Variants in NTRK3 observed in about 807,000 individuals in gnomAD.
The protein encoded by NTRK3 is NT-3 growth factor receptor.
A neutral mutation model predicts 91.7 loss-of-function variants in NTRK3; 24 were observed. That is an observed-to-expected ratio of 0.26 (90% CI 0.19 to 0.37). The LOEUF is 0.37. NTRK3 is among the 10% of genes least tolerant of loss of function. The pLI is 1.00. For synonymous variants in NTRK3, 483 were observed against 404.0 expected (o/e 1.20, Z -2.34); for missense variants, 880 against 1,068.9 (o/e 0.82, Z 2.46).
chr15:87,870,469 C>T (rs1041319945), exon 19 of NTRK3: 8 of 209,630 alleles, frequency 3.8e-5, no homozygotes, highest in African/African-American at 1.8e-4. Flanking sequence ...TAAAAGACTA[C>T]AAATATGGTG....
intron 13 of NTRK3, among the ~76,000 whole-genome samples, chr15:88,046,737 G>A (rs1489502085): frequency 6.6e-6 from 1 of 152,166 alleles, no homozygotes; most frequent in East Asian, 1.9e-4. Flanking sequence ...CAGCAGCCGG[G>A]CAAGGGCCCC....
chr15:87,938,659 T>C (rs915151832), intron 15 of NTRK3, among the ~76,000 whole-genome samples: 7 of 152,224 alleles, frequency 4.6e-5, no homozygotes, highest in African/African-American at 9.6e-5. Flanking sequence ...TTTTCAGCCA[T>C]CATTTCATTC....
At chr15:87,955,256 A>G (rs1246503421) in intron 14 of NTRK3, among the ~76,000 whole-genome samples, 2 of 152,208 alleles carry the variant, frequency 1.3e-5, no homozygotes, top group South Asian at 4.1e-4. Flanking sequence ...TCCTTTAATA[A>G]CACACCTACT....
chr15:88,008,057 G>C (rs959160575), intron 14 of NTRK3, among the ~76,000 whole-genome samples: 1 of 152,174 alleles, frequency 6.6e-6, no homozygotes, highest in African/African-American at 2.4e-5. Context: ...CCATACACTA[G>C]AGAGAGGTTC....
At chr15:87,905,668 G>C (rs117720346) in intron 17 of NTRK3, among the ~76,000 whole-genome samples, 1 of 151,990 alleles carries the variant, frequency 6.6e-6, no homozygotes, top group South Asian at 2.1e-4. Flanking sequence ...TCAACTCTTC[G>C]CTCAAACCCC....
intron 13 of NTRK3, among the ~76,000 whole-genome samples, chr15:88,054,582 C>T (rs1226004011): frequency 6.6e-6 from 1 of 152,114 alleles, no homozygotes; most frequent in African/African-American, 2.4e-5. Flanking sequence ...ACAGAAATAG[C>T]AAAATATGAC....
intron 13 of NTRK3, among the ~76,000 whole-genome samples, chr15:88,071,961 C>A (rs571813978): frequency 6.6e-6 from 1 of 151,740 alleles, no homozygotes; most frequent in South Asian, 2.1e-4. Flanking sequence ...GAAAGATTTC[C>A]AGGGTTCCAG....
chr15:88,220,185 A>C (rs560449235), intron 3 of NTRK3, among the ~76,000 whole-genome samples: 1 of 152,348 alleles, frequency 6.6e-6, no homozygotes, highest in Admixed American at 6.5e-5. Flanking sequence ...AATGACCACC[A>C]TGGCTTTGAG....
intron 10 of NTRK3, among the ~76,000 whole-genome samples, chr15:88,133,011 GTC>G (rs909772969): frequency 2.0e-5 from 3 of 152,164 alleles, no homozygotes; most frequent in African/African-American, 7.2e-5. Flanking sequence ...GAGTACTGGA[GTC>G]ACCTGGGGGC....
chr15:88,071,491 T>G (rs958490012), intron 13 of NTRK3, among the ~76,000 whole-genome samples: 7 of 152,254 alleles, frequency 4.6e-5, no homozygotes, highest in Non-Finnish European at 7.3e-5. Context: ...AGCAGCACCT[T>G]TATCTCTGAA....
chr15:87,952,874 C>T (rs1234685078), intron 14 of NTRK3, among the ~76,000 whole-genome samples: 1 of 152,106 alleles, frequency 6.6e-6, no homozygotes, highest in Non-Finnish European at 1.5e-5. Context: ...CCCTCTAAGC[C>T]TCTCGCTCTG....
chr15:88,025,245 C>T (rs1322569414), intron 14 of NTRK3, among the ~76,000 whole-genome samples: 1 of 152,232 alleles, frequency 6.6e-6, no homozygotes, highest in Non-Finnish European at 1.5e-5. Flanking sequence ...TACCACATGA[C>T]CAGGCAATCA....
chr15:87,933,806 C>T (rs149298850), intron 15 of NTRK3, among the ~76,000 whole-genome samples: 87 of 152,186 alleles, frequency 5.7e-4, no homozygotes, highest in African/African-American at 1.9e-3. Context: ...AAGAGTGGGG[C>T]GGCAGCTACG....
chr15:87,889,506 G>A (rs1326329432), intron 17 of NTRK3, among the ~76,000 whole-genome samples: 1 of 144,852 alleles, frequency 6.9e-6, no homozygotes, highest in Admixed American at 7.1e-5. Flanking sequence ...CCGGGTTCAA[G>A]CAATTCTCCT....
intron 13 of NTRK3, among the ~76,000 whole-genome samples, chr15:88,111,410 C>T (rs1046367398): frequency 3.3e-5 from 5 of 152,198 alleles, no homozygotes; most frequent in African/African-American, 1.2e-4. Flanking sequence ...GCCCCATTAA[C>T]CCGCAGCCAA....
chr15:87,932,561 C>T (rs916714007), intron 16 of NTRK3, among the ~76,000 whole-genome samples: 6 of 152,126 alleles, frequency 3.9e-5, no homozygotes, highest in African/African-American at 1.4e-4. Context: ...GACCTTCTTA[C>T]TCATCATCAA....
chr15:88,149,813 G>C (rs2043209291), intron 5 of NTRK3, among the ~76,000 whole-genome samples: 1 of 152,248 alleles, frequency 6.6e-6, no homozygotes, highest in Non-Finnish European at 1.5e-5. Flanking sequence ...GTACTGCTCT[G>C]AGTCTCCATT....
At chr15:88,094,417 C>T (rs1392922441) in intron 13 of NTRK3, among the ~76,000 whole-genome samples, 2 of 140,146 alleles carry the variant, frequency 1.4e-5, no homozygotes, top group Non-Finnish European at 3.0e-5. Context: ...TGCAGTGAGC[C>T]GAGATTGCGC....
chr15:88,027,618 G>C (rs916517791), intron 14 of NTRK3, among the ~76,000 whole-genome samples: 1 of 152,160 alleles, frequency 6.6e-6, no homozygotes, highest in Non-Finnish European at 1.5e-5. Flanking sequence ...TCTGGACCTC[G>C]TGATCCCCCC....
Sources: allele counts gnomAD v4.1 joint callset (sites outside exome capture counted in the v4.1 genomes callset), GRCh38; gene constraint gnomAD v4.1.1; transcripts MANE v1.5; gene names NCBI Gene and HGNC (gene_info 2026-07-23, HGNC 2026-07-21).